SYN3: variants seen among roughly 807,000 people sequenced by gnomAD.
The protein encoded by SYN3 is synapsin-3.
SYN3 carries 35 observed loss-of-function variants against 65.8 expected under a neutral mutation model. That is an observed-to-expected ratio of 0.53 (90% CI 0.41 to 0.70). The LOEUF is 0.70. SYN3 is among the 30% of genes least tolerant of loss of function. The pLI is 0.00. For synonymous variants in SYN3, 270 were observed against 292.9 expected, an observed-to-expected ratio of 0.92 and a Z score of 0.80; for missense variants, 680 against 749.0, an observed-to-expected ratio of 0.91 and a Z score of 1.08.
At chr22:32,845,246 G>A (rs1208102979) in intron 6 of SYN3, among the ~76,000 whole-genome samples, 2 of 152,196 alleles carry the variant, frequency 1.3e-5, no homozygotes, top group African/African-American at 4.8e-5. Flanking sequence ...TTCCAGGCTG[G>A]AGTACGGTGA....
At chr22:32,732,075 T>C (rs950269529) in intron 6 of SYN3, among the ~76,000 whole-genome samples, 1 of 152,252 alleles carries the variant, frequency 6.6e-6, no homozygotes, top group Non-Finnish European at 1.5e-5. Flanking sequence ...GCTTTTATTA[T>C]TGTGTTGTTT....
intron 6 of SYN3, among the ~76,000 whole-genome samples, chr22:32,727,359 G>T (rs1382365263): frequency 6.6e-6 from 1 of 152,204 alleles, no homozygotes; most frequent in Non-Finnish European, 1.5e-5. Flanking sequence ...TGGTGTATAT[G>T]TACCACATTT....
At chr22:32,858,514 C>G (rs558310211) in intron 6 of SYN3, among the ~76,000 whole-genome samples, 1 of 152,090 alleles carries the variant, frequency 6.6e-6, no homozygotes, top group Non-Finnish European at 1.5e-5. Flanking sequence ...GCTGACTCAT[C>G]GCTAACCCCA....
At chr22:32,680,211 CA>C (rs1294284276) in intron 6 of SYN3, among the ~76,000 whole-genome samples, 3 of 152,230 alleles carry the variant, frequency 2.0e-5, no homozygotes, top group African/African-American at 7.2e-5. Context: ...GCCACATCCT[CA>C]GATATTCTCT....
At chr22:32,642,584 G>A (rs2059917883) in intron 6 of SYN3, among the ~76,000 whole-genome samples, 2 of 151,920 alleles carry the variant, frequency 1.3e-5, no homozygotes, top group African/African-American at 4.8e-5. Flanking sequence ...TGGGACTACA[G>A]GCGCCCCCAC....
At chr22:32,602,274 G>C (rs1258819977) in intron 6 of SYN3, among the ~76,000 whole-genome samples, 1 of 152,082 alleles carries the variant, frequency 6.6e-6, no homozygotes, top group African/African-American at 2.4e-5. Flanking sequence ...TGTGTCTGGG[G>C]TGTATTCCTG....
In SYN3 at chr22:32,890,386, C is replaced by CT. The variant is rs957162259; in HGVS notation, c.462-21262dup. Among the ~76,000 whole-genome samples, 6 of 151,454 alleles carry CT rather than the reference C, an allele frequency of 4.0e-5. 1 individual carries two copies. The East Asian group carries it at 7.8e-4, about 20-fold the overall frequency. ...CACTGTGCCTGGCCTGATTTAGCAC[C>CT]TTTTTTTTATTTGAGACAGAGTCTC... On this transcript the variant is annotated intron_variant, in intron 4 of 13. Coordinates refer to ENST00000358763, the MANE Select transcript of SYN3 (RefSeq NM_003490.4).
chr22:32,820,261 T>TGTGC (rs1555971860), intron 6 of SYN3, among the ~76,000 whole-genome samples: 17 of 147,670 alleles, frequency 1.2e-4, no homozygotes, highest in Non-Finnish European at 1.8e-4. Context: ...TGTGTGTGTG[T>TGTGC]GCGTGCGCGT....
intron 3 of SYN3, among the ~76,000 whole-genome samples, chr22:32,935,246 G>T (rs956125342): frequency 6.6e-6 from 1 of 151,786 alleles, no homozygotes; most frequent in East Asian, 1.9e-4. Context: ...AAAAACATGC[G>T]CATAGAAATC....
intron 3 of SYN3, among the ~76,000 whole-genome samples, chr22:32,944,864 T>C (rs140725126): frequency 0.017 from 2,622 of 152,258 alleles, 51 homozygotes; most frequent in Non-Finnish European, 0.027. Context: ...AAAATCAATA[T>C]GCAAAAATCA....
intron 7 of SYN3, among the ~76,000 whole-genome samples, chr22:32,547,755 A>T (rs2710375): frequency 0.51 from 77,297 of 152,060 alleles, 20,464 homozygotes; most frequent in East Asian, 0.73. Context: ...GTTCCAAATT[A>T]CAAAATCCAA....
chr22:32,961,067 G>A (rs1033598106), intron 3 of SYN3, among the ~76,000 whole-genome samples: 2 of 152,268 alleles, frequency 1.3e-5, no homozygotes, highest in South Asian at 2.1e-4. Flanking sequence ...CAACCTTGGC[G>A]CTATTGACAT....
intron 2 of SYN3, among the ~76,000 whole-genome samples, chr22:32,994,354 G>A (rs937517312): frequency 2.0e-5 from 3 of 152,094 alleles, no homozygotes; most frequent in African/African-American, 7.2e-5. Flanking sequence ...CAGAGGGAGA[G>A]GAATGAAGTC....
At chr22:32,989,272 C>G (rs1210789653) in intron 2 of SYN3, among the ~76,000 whole-genome samples, 1 of 152,110 alleles carries the variant, frequency 6.6e-6, no homozygotes, top group Non-Finnish European at 1.5e-5. Context: ...CTGTAAGGAC[C>G]CCATGAATGA....
chr22:32,720,285 G>A (rs915951375), intron 6 of SYN3, among the ~76,000 whole-genome samples: 5 of 152,130 alleles, frequency 3.3e-5, no homozygotes, highest in Admixed American at 6.6e-5. Flanking sequence ...GCTCTGTTGC[G>A]TCTAAGGCCT....
intron 1 of SYN3, among the ~76,000 whole-genome samples, chr22:33,039,495 A>G (rs976719627): frequency 6.6e-6 from 1 of 151,520 alleles, no homozygotes; most frequent in African/African-American, 2.4e-5. Flanking sequence ...CCTGCATTCA[A>G]GCGATTCTCC....
At chr22:32,758,511 C>T (rs1338879176) in intron 6 of SYN3, among the ~76,000 whole-genome samples, 1 of 150,484 alleles carries the variant, frequency 6.6e-6, no homozygotes. Context: ...CAAGACTGGC[C>T]TAGCCTCCCA....
intron 2 of SYN3, among the ~76,000 whole-genome samples, chr22:32,997,823 G>A (rs1230660113): frequency 3.3e-5 from 5 of 151,964 alleles, no homozygotes; most frequent in Non-Finnish European, 7.4e-5. Context: ...TCAGGAGATC[G>A]AGACCATCCT....
chr22:32,663,498 C>T (rs2060247440), intron 6 of SYN3, among the ~76,000 whole-genome samples: 1 of 151,964 alleles, frequency 6.6e-6, no homozygotes, highest in Non-Finnish European at 1.5e-5. Context: ...CGGGGTTTCA[C>T]CGTGTTAGCC....
Sources: gnomAD v4.1 joint callset for allele counts (sites outside exome capture counted in the v4.1 genomes callset) on GRCh38, gnomAD v4.1.1 for gene constraint, MANE v1.5 for transcripts, NCBI Gene and HGNC (gene_info 2026-07-23, HGNC 2026-07-21) for gene names.